The following MEGF11 variants were observed in gnomAD, a reference collection of about 807,000 sequenced individuals.
The protein encoded by MEGF11 is multiple EGF like domains 11.
In MEGF11, 126 loss-of-function variants were observed where a neutral mutation model predicts 146.6. That is an observed-to-expected ratio of 0.86 (90% confidence interval 0.74 to 1.00). The LOEUF is 1.00. Among genes scored for constraint, MEGF11 ranks in the 50% least tolerant of loss-of-function variants. The pLI, the probability that MEGF11 is intolerant of heterozygous loss-of-function variation, is 0.00. For missense variants in MEGF11, 1,509 were observed against 1,521.2 expected (o/e 0.99, Z 0.13); for synonymous variants, 532 against 583.4 (o/e 0.91, Z 1.27).
chr15:65,977,395 C>G (rs537546106), intron 7 of MEGF11, among the ~76,000 whole-genome samples: 2 of 151,344 alleles, frequency 1.3e-5, no homozygotes, highest in Admixed American at 6.6e-5. Context: ...GGCCACAGGC[C>G]GGGAAGTGGG....
chr15:66,140,653 A>G (rs1024443838), intron 1 of MEGF11, among the ~76,000 whole-genome samples: 1 of 152,252 alleles, frequency 6.6e-6, no homozygotes, highest in African/African-American at 2.4e-5. Flanking sequence ...GAGGCAAGCC[A>G]GAAGCTTGCT....
intron 10 of MEGF11, among the ~76,000 whole-genome samples, chr15:65,942,903 A>G (rs1391224953): frequency 2.0e-5 from 3 of 148,282 alleles, no homozygotes; most frequent in Admixed American, 6.8e-5. Context: ...TAATCAATCT[A>G]TGTTAGGTTT....
At chr15:65,955,957 A>G (rs961748171) in intron 10 of MEGF11, among the ~76,000 whole-genome samples, 3 of 151,498 alleles carry the variant, frequency 2.0e-5, no homozygotes, top group Non-Finnish European at 4.4e-5. Context: ...TTCAGTTTGA[A>G]CAATGTTTTG....
intron 1 of MEGF11, among the ~76,000 whole-genome samples, chr15:66,245,171 G>C (rs892335925): frequency 1.3e-5 from 2 of 152,160 alleles, no homozygotes; most frequent in African/African-American, 4.8e-5. Flanking sequence ...GACAGAACTT[G>C]AAGCTGAGTC....
intron 5 of MEGF11, among the ~76,000 whole-genome samples, chr15:66,013,479 A>T (rs927654159): frequency 6.6e-6 from 1 of 151,978 alleles, no homozygotes; most frequent in Non-Finnish European, 1.5e-5. Flanking sequence ...CCATTTCCTG[A>T]GTGACTTCTC....
intron 4 of MEGF11, among the ~76,000 whole-genome samples, chr15:66,102,788 C>A (rs919399230): frequency 1.4e-4 from 22 of 152,104 alleles, no homozygotes; most frequent in Admixed American, 1.0e-3. Context: ...GTCCACCTCC[C>A]AACTCTATGC....
At chr15:66,248,921 T>C (rs1335708334) in intron 1 of MEGF11, among the ~76,000 whole-genome samples, 2 of 152,232 alleles carry the variant, frequency 1.3e-5, no homozygotes, top group Non-Finnish European at 2.9e-5. Flanking sequence ...CTCTCAACTA[T>C]AAAATAATCG....
chr15:66,110,007 G>C (rs1303053006), intron 4 of MEGF11, among the ~76,000 whole-genome samples: 1 of 152,116 alleles, frequency 6.6e-6, no homozygotes, highest in Non-Finnish European at 1.5e-5. Flanking sequence ...GCAGGACAAG[G>C]GTGCAGAGGG....
chr15:66,202,308 C>T (rs1331311064), intron 1 of MEGF11, among the ~76,000 whole-genome samples: 1 of 152,250 alleles, frequency 6.6e-6, no homozygotes, highest in Admixed American at 6.5e-5. Context: ...GCCTGCTTGG[C>T]AGCCCATTTG....
intron 4 of MEGF11, among the ~76,000 whole-genome samples, chr15:66,100,079 G>C (rs541960937): frequency 2.5e-5 from 3 of 117,950 alleles, no homozygotes; most frequent in Non-Finnish European, 4.3e-5. Context: ...GTTGCGCTTT[G>C]GGGGGGAAAT....
chr15:65,909,096 G>A lies in MEGF11; in HGVS notation c.2936C>T (p.Pro979Leu), dbSNP rs1376326157. The A allele has an allele frequency of 6.5e-6, 10 of 1,535,704 alleles. No homozygotes were observed. The highest frequency in any genetic ancestry group is 2.4e-5 in the East Asian group (1 of 40,918). Residue 979 changes from proline (P) to leucine (L), a missense_variant, in exon 23 of 26, where the codon CCG becomes CTG. Physicochemically the swap from Pro to Leu is moderately conservative, Grantham distance 98. Transcript: ENST00000395614. Reference protein sequence around the residue: ...FQISALEARYPPEDFYIELRH... With the variant: ...FQISALEARYLPEDFYIELRH... ...AAGTTCAATGTAGAAGTCCTCGGGC[G>A]GGTACCTGGCCTCCAGGGCACTGAT... is the stretch of plus-strand genomic sequence containing the variant.
At chr15:66,140,235 A>G (rs781624451) in intron 1 of MEGF11, among the ~76,000 whole-genome samples, 12 of 152,220 alleles carry the variant, frequency 7.9e-5, no homozygotes, top group Non-Finnish European at 1.3e-4. Context: ...ATTTGATCCT[A>G]TTCATCATAC....
chr15:65,955,764 AT>A (rs2080578807), intron 10 of MEGF11, among the ~76,000 whole-genome samples: 25 of 8,668 alleles, frequency 2.9e-3, no homozygotes, highest in African/African-American at 5.0e-3. Context: ...AAAAAAAAAT[AT>A]ATATATATAT....
intron 8 of MEGF11, among the ~76,000 whole-genome samples, chr15:65,968,981 C>A (rs2081209355): frequency 6.6e-6 from 1 of 152,088 alleles, no homozygotes; most frequent in Admixed American, 6.6e-5. Context: ...ACCAGGCAGC[C>A]CGTTTAGGTG....
At chr15:66,060,172 C>G (rs192909249) in intron 5 of MEGF11, among the ~76,000 whole-genome samples, 2 of 150,942 alleles carry the variant, frequency 1.3e-5, no homozygotes, top group African/African-American at 4.9e-5. Flanking sequence ...GTGGGGTTGA[C>G]GGCTAAGGAG....
intron 5 of MEGF11, among the ~76,000 whole-genome samples, chr15:66,016,657 C>G (rs2082898450): frequency 6.6e-6 from 1 of 152,146 alleles, no homozygotes. Flanking sequence ...TTCAAAACGA[C>G]AAGTTTAAGT....
At chr15:66,155,848 C>A (rs1413993684) in intron 1 of MEGF11, among the ~76,000 whole-genome samples, 1 of 152,216 alleles carries the variant, frequency 6.6e-6, no homozygotes, top group Non-Finnish European at 1.5e-5. Flanking sequence ...CCTGGCCACG[C>A]CAGCTATCAC....
intron 1 of MEGF11, 121 bp from the exon 2 acceptor site, chr15:66,128,532 A>G (rs1460805662): frequency 1.6e-5 from 8 of 504,786 alleles, no homozygotes; most frequent in Non-Finnish European, 2.6e-5. Flanking sequence ...TTTGACTAAC[A>G]CTGTAACAGT....
rs761971324 is a variant in MEGF11, at chr15:65,930,929, G to A, written c.1302C>T (p.Ala434=). 9.4e-6 allele frequency: 15 copies of A among 1,595,354 alleles called. No homozygotes were observed. The highest frequency in any genetic ancestry group is 2.2e-5 in the South Asian group (2 of 89,114). The change falls in exon 11 of 26, where the codon GCC becomes GCT. Residue 434 remains alanine (A), a synonymous_variant. Coordinates refer to ENST00000395614, the MANE Select transcript of MEGF11 (RefSeq NM_001385028.1). ...CAPGFMGEVC[A]VSCAAGTYGP... ...CATAGGTCCCTGCTGCACAGGAAAC[G>A]GCACAGACCTCTCCCTGGAAAGGGA...
Sources: allele counts gnomAD v4.1 joint callset (sites outside exome capture counted in the v4.1 genomes callset), GRCh38; gene constraint gnomAD v4.1.1; transcripts MANE v1.5; gene names NCBI Gene and HGNC (gene_info 2026-07-23, HGNC 2026-07-21).